The following GSK3B variants were observed in gnomAD, a reference collection of about 807,000 sequenced individuals.
GSK3B encodes the protein glycogen synthase kinase 3 beta.
In GSK3B, 15 loss-of-function variants were observed where a neutral mutation model predicts 56.4. The ratio of observed to expected loss-of-function variants is 0.27; its 90% CI spans 0.18 to 0.41. The LOEUF (loss-of-function observed/expected upper bound fraction) is 0.41, where lower values mean the gene tolerates loss of function less well. Among genes scored for constraint, GSK3B ranks in the 10% least tolerant of loss-of-function variants. The probability of loss-of-function intolerance (pLI) is 1.00; values close to 1 mark genes in which losing one functional copy is unlikely to be tolerated. For missense variants in GSK3B, 300 were observed against 513.4 expected (o/e 0.58, Z 4.02); for synonymous variants, 181 against 188.9 (o/e 0.96, Z 0.34).
intron 7 of GSK3B, among the ~76,000 whole-genome samples, chr3:119,884,832 A>G (rs1160694409): frequency 1.3e-5 from 2 of 152,124 alleles, no homozygotes; most frequent in Non-Finnish European, 1.5e-5. Flanking sequence ...TGATTTAAAT[A>G]AAATCTACCC....
intron 9 of GSK3B, among the ~76,000 whole-genome samples, chr3:119,862,828 T>C (rs2056126443): frequency 6.6e-6 from 1 of 152,160 alleles, no homozygotes; most frequent in Non-Finnish European, 1.5e-5. Context: ...AAATAGTGAC[T>C]ATCCCAAGGT....
chr3:119,977,409 T>C (rs1435903756), intron 2 of GSK3B, among the ~76,000 whole-genome samples: 2 of 152,216 alleles, frequency 1.3e-5, no homozygotes, highest in Admixed American at 1.3e-4. Flanking sequence ...GCAGGCATAC[T>C]TAATGGAGAC....
chr3:119,897,868 T>C (rs2056585318), intron 7 of GSK3B, among the ~76,000 whole-genome samples: 2 of 146,178 alleles, frequency 1.4e-5, no homozygotes, highest in South Asian at 4.3e-4. Context: ...GAAACAAGAG[T>C]GTAGGTACAC....
chr3:119,941,047 C>T (rs1438837026), intron 3 of GSK3B, among the ~76,000 whole-genome samples: 1 of 145,538 alleles, frequency 6.9e-6, no homozygotes, highest in African/African-American at 2.6e-5. Context: ...TGGAGCTTCG[C>T]TCTTGTTGCC....
At chr3:119,903,175 C>G (rs1483213425) in intron 7 of GSK3B, among the ~76,000 whole-genome samples, 1 of 152,160 alleles carries the variant, frequency 6.6e-6, no homozygotes, top group African/African-American at 2.4e-5. Context: ...AACTTCCAGT[C>G]AATAAATGGA....
At chr3:119,983,261 G>T (rs763611828) in intron 2 of GSK3B, among the ~76,000 whole-genome samples, 1 of 152,172 alleles carries the variant, frequency 6.6e-6, no homozygotes, top group Non-Finnish European at 1.5e-5. Context: ...ATGCCAAATT[G>T]TAAAGACCAC....
intron 8 of GSK3B, among the ~76,000 whole-genome samples, chr3:119,875,989 C>T (rs2056307270): frequency 6.6e-6 from 1 of 151,930 alleles, no homozygotes; most frequent in Non-Finnish European, 1.5e-5. Context: ...AGGAAAAACA[C>T]AAAATGCCAT....
At chr3:119,982,700 T>C (rs1252714988) in intron 2 of GSK3B, among the ~76,000 whole-genome samples, 1 of 152,048 alleles carries the variant, frequency 6.6e-6, no homozygotes, top group East Asian at 1.9e-4. Context: ...CCAAGAAATA[T>C]GGGACTATGT....
intron 1 of GSK3B, among the ~76,000 whole-genome samples, chr3:120,075,514 T>C (rs570070493): frequency 2.1e-4 from 32 of 152,300 alleles, no homozygotes; most frequent in African/African-American, 7.5e-4. Context: ...AACTGTTAGA[T>C]TGAATAAATT....
At chr3:120,063,157 A>T (rs2107554754) in intron 1 of GSK3B, among the ~76,000 whole-genome samples, 1 of 152,328 alleles carries the variant, frequency 6.6e-6, no homozygotes, top group South Asian at 2.1e-4. Flanking sequence ...AATGCTGCAC[A>T]TGCCTTTAAT....
At chr3:119,907,266 GA>G (rs1210072898) in intron 6 of GSK3B, among the ~76,000 whole-genome samples, 1 of 152,000 alleles carries the variant, frequency 6.6e-6, no homozygotes, top group East Asian at 1.9e-4. Context: ...ATACAAGGCT[GA>G]AAAAATTGTA....
chr3:119,922,675 C>T (rs995057476), intron 4 of GSK3B, among the ~76,000 whole-genome samples: 2 of 151,632 alleles, frequency 1.3e-5, no homozygotes, highest in African/African-American at 4.8e-5. Flanking sequence ...GAGTCAATGA[C>T]ATTTTATTTT....
At chr3:119,997,087 A>C (rs546832063) in intron 2 of GSK3B, among the ~76,000 whole-genome samples, 136 of 152,308 alleles carry the variant, frequency 8.9e-4, no homozygotes, top group African/African-American at 3.1e-3. Flanking sequence ...AAAACAACAA[A>C]AACACTCTAG....
rs1272576153 is a variant in GSK3B at position 119,922,212 on chromosome 3, AGGAAGGAAGGAAGGAG to A, written c.477+1145_477+1160del. 7.9e-5 allele frequency among the ~76,000 whole-genome samples: 9 copies of A among 113,860 alleles called. No individual in the cohort carries two copies. In the East Asian group the frequency reaches 1.9e-3, roughly 25 times the overall value. 74.7% of individuals were successfully genotyped at this position (113,860 alleles called of 152,430 possible). ...AGGTAGGTAGGTAGGGAAGGAGGGA[AGGAAGGAAGGAAGGAG>A]GGAAGGAAGGAAGGAAGGAAGGAAG... On this transcript the variant is annotated intron_variant, in intron 4 of 10. Transcript: ENST00000264235.
At chr3:119,897,267 G>A (rs1354970480) in intron 7 of GSK3B, among the ~76,000 whole-genome samples, 1 of 152,130 alleles carries the variant, frequency 6.6e-6, no homozygotes, top group Non-Finnish European at 1.5e-5. Context: ...GTATGGGTAA[G>A]TTACTGTAGA....
intron 9 of GSK3B, among the ~76,000 whole-genome samples, chr3:119,848,827 A>G (rs2055890628): frequency 6.6e-6 from 1 of 152,194 alleles, no homozygotes; most frequent in South Asian, 2.1e-4. Flanking sequence ...AAAACTGAGA[A>G]AACTATTCAT....
intron 2 of GSK3B, among the ~76,000 whole-genome samples, chr3:119,970,611 A>AT (rs1219610417): frequency 1.3e-4 from 16 of 124,904 alleles, no homozygotes; most frequent in African/African-American, 5.5e-4. Flanking sequence ...CTCTACTAAA[A>AT]TTAAAAAAAA....
chr3:119,880,473 T>A (rs907956545), intron 7 of GSK3B, among the ~76,000 whole-genome samples: 2 of 152,154 alleles, frequency 1.3e-5, no homozygotes, highest in African/African-American at 4.8e-5. Flanking sequence ...GGTCCCTATG[T>A]GTAGTTTCTT....
At chr3:120,038,719 A>G (rs2058041641) in intron 1 of GSK3B, among the ~76,000 whole-genome samples, 1 of 152,224 alleles carries the variant, frequency 6.6e-6, no homozygotes, top group African/African-American at 2.4e-5. Flanking sequence ...CCTAAAGTAA[A>G]ATGCAAAGCT....
Sources: allele counts gnomAD v4.1 joint callset (sites outside exome capture counted in the v4.1 genomes callset), GRCh38; gene constraint gnomAD v4.1.1; transcripts MANE v1.5; gene names NCBI Gene and HGNC (gene_info 2026-07-23, HGNC 2026-07-21).